CREBBP: variants seen among roughly 807,000 people sequenced by gnomAD.
The protein encoded by CREBBP is CREB binding lysine acetyltransferase, also known as CREB-binding protein.
CREBBP carries 19 observed loss-of-function variants against 265.0 expected under a neutral mutation model. That is an observed-to-expected ratio of 0.07 (90% CI 0.05 to 0.11). The LOEUF is 0.11. CREBBP is among the 10% of genes least tolerant of loss of function. The pLI is 1.00. For missense variants in CREBBP, 2,525 were observed against 3,219.0 expected (o/e 0.78, Z 5.22); for synonymous variants, 1,457 against 1,223.7 (o/e 1.19, Z -3.98).
chr16:3,785,582 T>C (rs1000712429), intron 5 of CREBBP, among the ~76,000 whole-genome samples: 19 of 152,224 alleles, frequency 1.2e-4, no homozygotes, highest in African/African-American at 4.6e-4. Context: ...ACGTGCCAGC[T>C]ATAGCGCAGC....
chr16:3,797,660 TAAGTGAAACCCCAGA>T (rs1216531604), intron 3 of CREBBP, among the ~76,000 whole-genome samples: 3 of 152,044 alleles, frequency 2.0e-5, no homozygotes, highest in Non-Finnish European at 2.9e-5. Flanking sequence ...TGATTGCTGG[TAAGTGAAACCCCAGA>T]AAGTGAAACC....
At chr16:3,757,230 T>C (rs538570538) in intron 19 of CREBBP, 58 bp downstream of exon 19, 3 of 1,348,622 alleles carry the variant, frequency 2.2e-6, no homozygotes, top group South Asian at 1.2e-5. Flanking sequence ...ACACAGACTA[T>C]AACCAGATGA....
chr16:3,876,698 C>A (rs569282953), intron 1 of CREBBP, among the ~76,000 whole-genome samples: 2 of 152,246 alleles, frequency 1.3e-5, no homozygotes, highest in African/African-American at 4.8e-5. Flanking sequence ...ACATCTGAGG[C>A]CATCAAATTC....
At chr16:3,801,170 A>G (rs2053704836) in intron 3 of CREBBP, among the ~76,000 whole-genome samples, 1 of 152,132 alleles carries the variant, frequency 6.6e-6, no homozygotes, top group South Asian at 2.1e-4. Flanking sequence ...CAAAGCCCCA[A>G]TCCTGCAGCT....
intron 1 of CREBBP, 142 bp from the exon 2 acceptor site, chr16:3,851,151 G>C (rs1193401404): frequency 2.2e-5 from 16 of 737,702 alleles, no homozygotes; most frequent in Non-Finnish European, 3.3e-5. Context: ...AGCTGGGTGT[G>C]GTAGCGCATG....
intron 12 of CREBBP, 92 bp downstream of exon 12, chr16:3,774,477 C>G: frequency 1.3e-6 from 2 of 1,563,100 alleles, no homozygotes; most frequent in Non-Finnish European, 1.8e-6. Context: ...ACAAGAACCA[C>G]AGGATTCTCA....
intron 13 of CREBBP, among the ~76,000 whole-genome samples, chr16:3,771,843 C>T (rs966611482): frequency 6.7e-6 from 1 of 149,522 alleles, no homozygotes; most frequent in African/African-American, 2.5e-5. Flanking sequence ...CAGAGTCTCG[C>T]TCTGTCACCC....
intron 10 of CREBBP, 21 bp from the exon 11 acceptor site, chr16:3,777,678 C>G (rs1164457936): frequency 6.2e-7 from 1 of 1,613,682 alleles, no homozygotes; most frequent in East Asian, 2.2e-5. Context: ...AAAACAAAAA[C>G]AAAAACAAAA....
chr16:3,769,146 C>A (rs2141189688), intron 15 of CREBBP, 28 bp downstream of exon 15: 1 of 1,613,402 alleles, frequency 6.2e-7, no homozygotes, highest in South Asian at 1.1e-5. Context: ...GATACGCAGT[C>A]AATGCATTCC....
intron 5 of CREBBP, among the ~76,000 whole-genome samples, chr16:3,787,844 T>C (rs911916194): frequency 6.6e-6 from 1 of 152,006 alleles, no homozygotes; most frequent in Admixed American, 6.6e-5. Flanking sequence ...CCCAGCTAAT[T>C]ATTTGTATTT....
Position 3,729,308 on chromosome 16 carries a change from G to A in CREBBP, c.5739C>T (p.Pro1913=), listed in dbSNP as rs777139307. Residue 1913 remains proline (P), a synonymous_variant, in exon 31 of 31, where the codon CCC becomes CCT. Transcript: ENST00000262367. ...PQPPAQPQPS[P]VSMSPAGFPS... ...GGAAGCCAGCTGGTGACATGCTCAC[G>A]GGTGAGGGTTGGGGCTGGGCAGGGG... 1.8e-5 allele frequency: 28 copies of A among 1,552,780 alleles called. No homozygotes were observed. Among genetic ancestry groups the A allele is most frequent in the Admixed American group, 5.8e-5 (3 of 51,870 alleles).
rs574273661 is a variant in CREBBP at position 3,753,075 on chromosome 16, A to C, written c.3699-1269T>G. Reference sequence around the variant, plus strand: ...GCACGAATGCGGTTTAGTGCTCAAAACTATGTCTACAAGATGCCAGGAAGG... The same window carrying C: ...GCACGAATGCGGTTTAGTGCTCAAACCTATGTCTACAAGATGCCAGGAAGG... On this transcript the variant is annotated intron_variant, in intron 19 of 30. Transcript: ENST00000262367. 3.6e-3 allele frequency among the ~76,000 whole-genome samples: 542 copies of C among 152,306 alleles called. 1 individual carries two copies. Among genetic ancestry groups the C allele is most frequent in the Non-Finnish European group, 6.1e-3 (415 of 68,030 alleles).
At chr16:3,857,105 T>C (rs888436736) in intron 1 of CREBBP, among the ~76,000 whole-genome samples, 18 of 152,300 alleles carry the variant, frequency 1.2e-4, no homozygotes, top group Admixed American at 2.6e-4. Flanking sequence ...CCCATCATCC[T>C]GCCACTCTCA....
intron 2 of CREBBP, among the ~76,000 whole-genome samples, chr16:3,815,690 T>C (rs949898647): frequency 6.6e-6 from 1 of 151,814 alleles, no homozygotes; most frequent in Non-Finnish European, 1.5e-5. Flanking sequence ...AGTAGGTATA[T>C]ATATTTATGG....
At chr16:3,764,553 G>A (rs1364345339) in intron 16 of CREBBP, among the ~76,000 whole-genome samples, 1 of 152,056 alleles carries the variant, frequency 6.6e-6, no homozygotes, top group African/African-American at 2.4e-5. Flanking sequence ...TGGGATTATA[G>A]GTGGGAGCCA....
intron 3 of CREBBP, among the ~76,000 whole-genome samples, chr16:3,804,194 C>T (rs1054498959): frequency 9.9e-5 from 15 of 152,044 alleles, no homozygotes; most frequent in Admixed American, 4.6e-4. Context: ...GACTGCTGGA[C>T]CAGACCAGGA....
In CREBBP at chr16:3,729,794, G is replaced by A. The variant is rs1428541743; in HGVS notation, c.5253C>T (p.Asp1751=). 6 of 1,605,478 alleles carry A rather than the reference G, an allele frequency of 3.7e-6. No individual in the cohort carries two copies. Among genetic ancestry groups the A allele is most frequent in the Admixed American group, 1.7e-5 (1 of 59,972 alleles). Residue 1751 remains aspartate (D), a synonymous_variant, in exon 31 of 31, where the codon GAC becomes GAT. Coordinates refer to ENST00000262367, the MANE Select transcript of CREBBP (RefSeq NM_004380.3). ...GTGGCTCGCCCTGGCTGCTGCCCTC[G>A]TCATCCAGGCCCAGCCCCCACTTCA... ...KMVKWGLGLD[D]EGSSQGEPQS... is the part of the protein sequence containing the mutation.
rs1335546261 is a variant in CREBBP at position 3,729,017 on chromosome 16, C to T, written c.6030G>A (p.Gly2010=). 7 of 1,591,494 alleles carry T rather than the reference C, an allele frequency of 4.4e-6. No homozygotes were observed. The highest frequency in any genetic ancestry group is 5.1e-6 in the Non-Finnish European group (6 of 1,174,532). The change falls in exon 31 of 31, where the codon GGG becomes GGA. Residue 2010 remains glycine (G), a synonymous_variant. Coordinates refer to ENST00000262367, the MANE Select transcript of CREBBP (RefSeq NM_004380.3). ...CGGGAGGCATGCTGGGCATGACGGG[C>T]CCGCTCACCTGGTTGGGTCGGGGCA... ...LNVPRPNQVS[G]PVMPSMPPGQ...
In CREBBP at chr16:3,770,834, C is replaced by G. The variant is rs781112420; in HGVS notation, c.2616G>C (p.Thr872=). 2 of 1,613,642 alleles carry G rather than the reference C, an allele frequency of 1.2e-6. No individual in the cohort carries two copies. The highest frequency in any genetic ancestry group is 1.3e-5 in the African/African-American group (1 of 74,800). ...TAAGMPSLQH[T]TPPGMTPPQP... is the part of the protein sequence containing the mutation. ...GGGGAGGAGTCATCCCAGGTGGTGT[C>G]GTGTGCTGGAGAGATGGCATGCCAG... The change falls in exon 14 of 31, where the codon ACG becomes ACC. Residue 872 remains threonine (T), a synonymous_variant. Transcript: ENST00000262367.
Sources: allele counts gnomAD v4.1 joint callset (sites outside exome capture counted in the v4.1 genomes callset), GRCh38; gene constraint gnomAD v4.1.1; transcripts MANE v1.5; gene names NCBI Gene and HGNC (gene_info 2026-07-23, HGNC 2026-07-21).